The following METTL4 variants were observed in gnomAD, a reference collection of about 807,000 sequenced individuals.
METTL4 encodes the protein methyltransferase 4, N6-adenosine, also known as N(6)-adenine-specific methyltransferase METTL4.
Under a neutral mutation model 54.0 loss-of-function variants are expected in METTL4, and 40 were observed. The observed-to-expected ratio is 0.74, with a 90% CI of 0.58 to 0.96. METTL4 has a LOEUF of 0.96. Among genes scored for constraint, METTL4 ranks in the 50% least tolerant of loss-of-function variants. The pLI, the probability that METTL4 is intolerant of heterozygous loss-of-function variation, is 0.00. For missense variants in METTL4, 525 were observed against 549.0 expected, an observed-to-expected ratio of 0.96 and a Z score of 0.44; for synonymous variants, 169 against 183.8, an observed-to-expected ratio of 0.92 and a Z score of 0.65.
chr18:2,566,904 G>T lies in METTL4; in HGVS notation c.313C>A (p.His105Asn), dbSNP rs993396428. 5.0e-6 allele frequency: 8 copies of T among 1,612,658 alleles called. No homozygotes were observed. The highest frequency in any genetic ancestry group is 6.8e-6 in the Non-Finnish European group (8 of 1,179,310). The stretch of plus-strand genomic sequence containing the variant: ...TCATTACTTTGCTGGCATTCTTTAT[G>T]AACAGCTGGAGTTATATAAGGTTTG... Reference protein sequence around the residue: ...VTKPYITPAVHKECQQSNEKE... With the variant: ...VTKPYITPAVNKECQQSNEKE... Residue 105 changes from histidine to asparagine, a missense_variant, in exon 2 of 9, where the codon CAT (histidine) becomes AAT (asparagine). By Grantham distance (68) the His-to-Asn change is moderately conservative. Coordinates refer to ENST00000574538, the MANE Select transcript of METTL4 (RefSeq NM_022840.5).
chr18:2,539,286 G>A, intron 8 of METTL4, 141 bp from the exon 9 acceptor site: 2 of 697,206 alleles, frequency 2.9e-6, no homozygotes, highest in Non-Finnish European at 4.7e-6. Context: ...TTCATCACAG[G>A]CTTTACTATT....
intron 6 of METTL4, among the ~76,000 whole-genome samples, chr18:2,546,596 C>T (rs980983384): frequency 6.6e-6 from 1 of 151,970 alleles, no homozygotes; most frequent in Non-Finnish European, 1.5e-5. Flanking sequence ...AGTATGCTTG[C>T]AATATAAACA....
At chr18:2,544,596 T>A in intron 7 of METTL4, 57 bp downstream of exon 7, 1 of 1,140,890 alleles carries the variant, frequency 8.8e-7, no homozygotes, top group East Asian at 2.4e-5. Flanking sequence ...TACTAATCAT[T>A]TTTAAAAGCG....
chr18:2,539,046 T>G lies in METTL4; in HGVS notation c.1373A>C (p.Lys458Thr). ...GWTSWGNEVL[K>T]FQHVDYFIAV... is the part of the protein sequence containing the mutation. ...AATAAAATAATCCACATGCTGAAAT[T>G]TGAGAACTTCATTGCCCCAACTAGT... The change falls in exon 9 of 9, where the codon AAA becomes ACA. Residue 458 changes from lysine to threonine, a missense_variant. By Grantham distance (78) the Lys-to-Thr change is moderately conservative. Coordinates refer to ENST00000574538, the MANE Select transcript of METTL4 (RefSeq NM_022840.5). 1 of 1,614,024 alleles carries G rather than the reference T, an allele frequency of 6.2e-7. No individual in the cohort carries two copies. Among genetic ancestry groups the G allele is most frequent in the African/African-American group, 1.3e-5 (1 of 75,028 alleles).
chr18:2,547,638 C>T, intron 5 of METTL4, 109 bp from the exon 6 acceptor site: 2 of 753,072 alleles, frequency 2.7e-6, no homozygotes, highest in South Asian at 3.0e-5. Context: ...GCTCTTACTG[C>T]TATTTATTTG....
chr18:2,557,246 T>C (rs539779828), intron 3 of METTL4, among the ~76,000 whole-genome samples: 1 of 152,020 alleles, frequency 6.6e-6, no homozygotes, highest in Non-Finnish European at 1.5e-5. Context: ...AATTTACCTA[T>C]GTACTGATCA....
At chr18:2,546,147 T>C (rs2072066730) in intron 6 of METTL4, among the ~76,000 whole-genome samples, 1 of 152,106 alleles carries the variant, frequency 6.6e-6, no homozygotes, top group African/African-American at 2.4e-5. Context: ...TGTAAGTCTT[T>C]GTCAAGTCCC....
chr18:2,568,159 T>G (rs1035510434), intron 1 of METTL4, among the ~76,000 whole-genome samples: 12 of 152,204 alleles, frequency 7.9e-5, no homozygotes, highest in African/African-American at 2.9e-4. Flanking sequence ...TCTAACTCCA[T>G]GAGTGAGATT....
intron 3 of METTL4, among the ~76,000 whole-genome samples, chr18:2,560,917 A>T (rs2072307618): frequency 6.6e-6 from 1 of 152,138 alleles, no homozygotes; most frequent in African/African-American, 2.4e-5. Flanking sequence ...AAATAGTAAC[A>T]TCATGATCAT....
At chr18:2,553,692 C>T (rs2072195454) in intron 4 of METTL4, 1 of 152,098 alleles carries the variant, frequency 6.6e-6, no homozygotes, top group Non-Finnish European at 1.5e-5. Context: ...AAGAGCTGTC[C>T]TTTCTCCCCC....
Position 2,550,732 on chromosome 18 carries a change from A to G in METTL4, c.899+1963T>C, listed in dbSNP as rs115660533. On this transcript the variant is annotated intron_variant, in intron 5 of 8. Transcript: ENST00000574538. ...AAGGATACAAATTAAAATCAGTCAA[A>G]GAAAGAGAGTCAAAAGATACTGAAG... 9.2e-3 allele frequency among the ~76,000 whole-genome samples: 1,407 copies of G among 152,326 alleles called. 28 individuals are homozygous for G. Among genetic ancestry groups the G allele is most frequent in the African/African-American group, 0.032 (1,327 of 41,566 alleles).
chr18:2,564,735 C>G (rs1185440015), intron 2 of METTL4, among the ~76,000 whole-genome samples: 1 of 152,130 alleles, frequency 6.6e-6, no homozygotes, highest in African/African-American at 2.4e-5. Context: ...TTTAGCATAT[C>G]AGAAGGTGTC....
At position 2,567,249 on chromosome 18, in the gene METTL4, G is replaced by A. The variant is rs1338384463; in HGVS notation, c.-33C>T. ...CTTTAAAAAAGCCTCTGGGAATTAGGAACTAGAATGAAAATCCAACTTTCC... is the reference window on the plus strand; with the variant it reads ...CTTTAAAAAAGCCTCTGGGAATTAGAAACTAGAATGAAAATCCAACTTTCC... On this transcript the variant is annotated 5_prime_UTR_variant, in exon 2 of 9. Coordinates refer to ENST00000574538, the MANE Select transcript of METTL4 (RefSeq NM_022840.5). The A allele has an allele frequency of 6.6e-7, 1 of 1,523,222 alleles. No homozygotes were observed. Among genetic ancestry groups the A allele is most frequent in the Non-Finnish European group, 8.8e-7 (1 of 1,138,630 alleles). 94.4% of individuals were successfully genotyped at this position (1,523,222 alleles called of 1,614,324 possible).
intron 8 of METTL4, chr18:2,540,409 A>T (rs2071977738): frequency 1.0e-6 from 1 of 981,958 alleles, no homozygotes; most frequent in South Asian, 4.7e-5. Context: ...CTTTAGGAAT[A>T]CTAGAGACAG....
In METTL4 at chr18:2,544,800, A is replaced by G. The variant is rs374901905; in HGVS notation, c.1075-41T>C. The stretch of plus-strand genomic sequence containing the variant: ...CAACAAAAGAGGGTTATTTTTTCCC[A>G]TCACTATAGAGCTTCCACACACACA... On this transcript the variant is annotated intron_variant, in intron 6 of 8. Transcript: ENST00000574538. The G allele has an allele frequency of 2.0e-5, 27 of 1,321,702 alleles. No homozygotes were observed. The African/African-American group carries it at 3.4e-4, about 16-fold the overall frequency. 81.9% of individuals were successfully genotyped at this position (1,321,702 alleles called of 1,614,324 possible).
intron 3 of METTL4, among the ~76,000 whole-genome samples, chr18:2,560,920 A>G (rs1189829225): frequency 6.6e-6 from 1 of 152,118 alleles, no homozygotes; most frequent in Non-Finnish European, 1.5e-5. Context: ...TAGTAACATC[A>G]TGATCATTTG....
At chr18:2,547,555 A>T (rs2072090214) in intron 5 of METTL4, 26 bp from the exon 6 acceptor site, 2 of 1,532,008 alleles carry the variant, frequency 1.3e-6, no homozygotes, top group African/African-American at 2.8e-5. Context: ...AAAAAGGATG[A>T]GCAAAATTCA....
Position 2,539,102 on chromosome 18 carries a change from C to T in METTL4, c.1317G>A (p.Glu439=). ...CTGGCTGTAAATTTCGAGCAAACAA[C>T]TCCAAATATTCCCCATCTGGCTTGA... is the stretch of plus-strand genomic sequence containing the variant. ...DYIKPDGEYL[E]LFARNLQPGW... is the part of the protein sequence containing the mutation. The change falls in exon 9 of 9, where the codon GAG becomes GAA. Residue 439 remains glutamate, a synonymous_variant. Coordinates refer to ENST00000574538, the MANE Select transcript of METTL4 (RefSeq NM_022840.5). The T allele has an allele frequency of 6.2e-7, 1 of 1,613,982 alleles. No individual in the cohort carries two copies. Among genetic ancestry groups the T allele is most frequent in the Non-Finnish European group, 8.5e-7 (1 of 1,179,904 alleles).
chr18:2,570,171 T>C (rs2072482023), intron 1 of METTL4, among the ~76,000 whole-genome samples: 1 of 152,224 alleles, frequency 6.6e-6, no homozygotes, highest in Admixed American at 6.5e-5. Flanking sequence ...TTCCATCTAT[T>C]GGAGTCTAGC....
Sources: allele counts gnomAD v4.1 joint callset (sites outside exome capture counted in the v4.1 genomes callset), GRCh38; gene constraint gnomAD v4.1.1; transcripts MANE v1.5; gene names NCBI Gene and HGNC (gene_info 2026-07-23, HGNC 2026-07-21).